The following KIRREL3 variants were observed in gnomAD, a reference collection of about 807,000 sequenced individuals.
KIRREL3 encodes kirre like nephrin family adhesion molecule 3.
A neutral mutation model predicts 89.7 loss-of-function variants in KIRREL3; 36 were observed. That is an observed-to-expected ratio of 0.40 (90% CI 0.31 to 0.53). The LOEUF is 0.53. KIRREL3 is among the 20% of genes least tolerant of loss of function. The pLI is 0.49. For synonymous variants in KIRREL3, 445 were observed against 441.4 expected (o/e 1.01, Z -0.10); for missense variants, 864 against 1,056.6 (o/e 0.82, Z 2.53).
chr11:126,991,177 G>A lies in KIRREL3; in HGVS notation c.55+9278C>T, dbSNP rs1253601739. ...GGCGTTGTCTCTGGTGACCCAAAGGGCATTCAAAGCCTTCCAGAAAGGAAC... is the reference window on the plus strand; with the variant it reads ...GGCGTTGTCTCTGGTGACCCAAAGGACATTCAAAGCCTTCCAGAAAGGAAC... On this transcript the variant is annotated intron_variant, in intron 1 of 16. Coordinates refer to ENST00000525144, the MANE Select transcript of KIRREL3 (RefSeq NM_032531.4). The surrounding 1 kb of genome is among the most constrained non-coding windows in gnomAD (Gnocchi z 5.8). Among the ~76,000 whole-genome samples the A allele has an allele frequency of 6.6e-6, 1 of 152,150 alleles. No individual in the cohort carries two copies. The highest frequency in any genetic ancestry group is 1.5e-5 in the Non-Finnish European group (1 of 68,030).
rs1241916419 is a variant in KIRREL3, at chr11:126,740,363, G to T, written c.56-177451C>A. ...TTAAAGTGCTGCATTGCTAAACTCA[G>T]TGGAGATGGTATTCATTCTGTGTTT... is the stretch of plus-strand genomic sequence containing the variant. On this transcript the variant is annotated intron_variant, in intron 1 of 16. Coordinates refer to ENST00000525144, the MANE Select transcript of KIRREL3 (RefSeq NM_032531.4). This position sits in a 1 kb window ranked among gnomAD's most constrained non-coding sequence, Gnocchi z 6.0. 6.6e-6 allele frequency among the ~76,000 whole-genome samples: 1 copy of T among 151,776 alleles called. No homozygotes were observed. The highest frequency in any genetic ancestry group is 6.6e-5 in the Admixed American group (1 of 15,230).
In KIRREL3 at chr11:126,569,246, T is replaced by C. The variant is rs1223232209; in HGVS notation, c.56-6334A>G. ...ATGGTACATTTCTGGACTTACTGTG[T>C]TCGAGGTGACAAGGTTCTAAAGTGA... On this transcript the variant is annotated intron_variant, in intron 1 of 16. Coordinates refer to ENST00000525144, the MANE Select transcript of KIRREL3 (RefSeq NM_032531.4). The surrounding 1 kb of genome is among the most constrained non-coding windows in gnomAD (Gnocchi z 6.5). Among the ~76,000 whole-genome samples the C allele has an allele frequency of 2.0e-5, 3 of 152,182 alleles. No homozygotes were observed. Among genetic ancestry groups the C allele is most frequent in the Non-Finnish European group, 4.4e-5 (3 of 68,026 alleles).
Position 126,521,280 on chromosome 11 carries a change from G to T in KIRREL3, c.433+35C>A. On this transcript the variant is annotated intron_variant, in intron 4 of 16. Coordinates refer to ENST00000525144, the MANE Select transcript of KIRREL3 (RefSeq NM_032531.4). The surrounding 1 kb of genome is among the most constrained non-coding windows in gnomAD (Gnocchi z 4.1). ...TGGAGCTGAGCCCTTGGTGCTTCAC[G>T]CAGTGTCCCAGCCCCGTGTGCAGAT... 13 of 1,488,512 alleles carry T rather than the reference G, an allele frequency of 8.7e-6. No homozygotes were observed. The highest frequency in any genetic ancestry group is 1.2e-5 in the Non-Finnish European group (13 of 1,110,832). The allele number at this position is 1,488,512 out of a possible 1,614,324, so 92.2% of individuals were successfully genotyped here. A position where few individuals can be genotyped will look rare whatever the true frequency, so the allele number is the denominator to read the frequency against.
rs1428500561 is a variant in KIRREL3 at position 126,876,589 on chromosome 11, G to C, written c.55+123866C>G. On this transcript the variant is annotated intron_variant, in intron 1 of 16. Transcript: ENST00000525144. The surrounding 1 kb of genome is among the most constrained non-coding windows in gnomAD (Gnocchi z 4.1). ...GTCTTGCTCTGTCACCCAGGCTGGA[G>C]TGCAGCGGTGCGACCTTGGCCCACT... 6.7e-6 allele frequency among the ~76,000 whole-genome samples: 1 copy of C among 149,038 alleles called. No individual in the cohort carries two copies. The highest frequency in any genetic ancestry group is 1.5e-5 in the Non-Finnish European group (1 of 67,712).
At position 126,748,766 on chromosome 11, in the gene KIRREL3, C is replaced by G. The variant is rs1030373275; in HGVS notation, c.56-185854G>C. Among the ~76,000 whole-genome samples the G allele has an allele frequency of 1.3e-5, 2 of 152,160 alleles. No homozygotes were observed. Among genetic ancestry groups the G allele is most frequent in the African/African-American group, 4.8e-5 (2 of 41,440 alleles). On this transcript the variant is annotated intron_variant, in intron 1 of 16. Transcript: ENST00000525144. This position sits in a 1 kb window ranked among gnomAD's most constrained non-coding sequence, Gnocchi z 4.6. The stretch of plus-strand genomic sequence containing the variant: ...ATCGCTGTGATAAAAGCCTCTCTGC[C>G]CACCGAAACTGTGCATGGGATCCTT...
intron 1 of KIRREL3, among the ~76,000 whole-genome samples, chr11:126,820,448 T>C (rs1943172169): frequency 6.6e-6 from 1 of 152,102 alleles, no homozygotes; most frequent in Non-Finnish European, 1.5e-5. Context: ...AATAACTATA[T>C]AAGGTGTGGA....
intron 1 of KIRREL3, among the ~76,000 whole-genome samples, chr11:126,826,778 G>T (rs536338541): frequency 6.6e-6 from 1 of 152,276 alleles, no homozygotes; most frequent in African/African-American, 2.4e-5. Flanking sequence ...TGTGAGACAG[G>T]ATTCAAATGT....
intron 1 of KIRREL3, among the ~76,000 whole-genome samples, chr11:126,593,524 G>A (rs932659176): frequency 6.6e-6 from 1 of 152,166 alleles, no homozygotes; most frequent in Admixed American, 6.5e-5. Flanking sequence ...GTACAGGTGG[G>A]CAATGAACAC....
rs151209982 is a variant in KIRREL3 at position 126,971,135 on chromosome 11, G to A, written c.55+29320C>T. ...TTAGGTGGTTTTTGACTATTTACGA[G>A]TACAAAGTATTATCTACATTTCTGA... On this transcript the variant is annotated intron_variant, in intron 1 of 16. Coordinates refer to ENST00000525144, the MANE Select transcript of KIRREL3 (RefSeq NM_032531.4). Among the ~76,000 whole-genome samples, 1,048 of 152,172 alleles carry A rather than the reference G, an allele frequency of 6.9e-3. 13 individuals carry two copies. The highest frequency in any genetic ancestry group is 0.024 in the African/African-American group (976 of 41,520).
chr11:126,466,394 G>A (rs1484753214), intron 5 of KIRREL3, among the ~76,000 whole-genome samples: 2 of 152,228 alleles, frequency 1.3e-5, no homozygotes, highest in South Asian at 4.1e-4. Context: ...CCCGTGCAGC[G>A]GGTATCCCAG....
At position 126,768,259 on chromosome 11, in the gene KIRREL3, C is replaced by T. The variant is rs920988627; in HGVS notation, c.56-205347G>A. 8.7e-5 allele frequency among the ~76,000 whole-genome samples: 13 copies of T among 150,168 alleles called. No homozygotes were observed. Among genetic ancestry groups the T allele is most frequent in the African/African-American group, 3.3e-4 (13 of 39,858 alleles). ...CCATCTGTCCATCCATACATGCATC[C>T]ACCCATCCATCCATCCATTCATCCA... On this transcript the variant is annotated intron_variant, in intron 1 of 16. Coordinates refer to ENST00000525144, the MANE Select transcript of KIRREL3 (RefSeq NM_032531.4). The surrounding 1 kb of genome is among the most constrained non-coding windows in gnomAD (Gnocchi z 4.5).
intron 2 of KIRREL3, among the ~76,000 whole-genome samples, chr11:126,556,143 G>A (rs1368973664): frequency 2.0e-5 from 3 of 152,178 alleles, no homozygotes; most frequent in Admixed American, 6.5e-5. Context: ...TGTGGAAAAC[G>A]ACCTGGGCAT....
intron 2 of KIRREL3, among the ~76,000 whole-genome samples, chr11:126,529,051 G>A (rs1958856741): frequency 6.6e-6 from 1 of 152,140 alleles, no homozygotes. Context: ...TATAATGAGA[G>A]CCCCTTAAAT....
chr11:126,874,334 C>T (rs1945203015), intron 1 of KIRREL3, among the ~76,000 whole-genome samples: 1 of 152,174 alleles, frequency 6.6e-6, no homozygotes, highest in African/African-American at 2.4e-5. Context: ...AGGGTAGGTG[C>T]TTGCCAAAGC....
intron 9 of KIRREL3, among the ~76,000 whole-genome samples, chr11:126,445,441 C>G (rs995627085): frequency 2.0e-5 from 3 of 152,200 alleles, no homozygotes; most frequent in African/African-American, 7.2e-5. Flanking sequence ...CCTACAGGAA[C>G]CTCCCTGTAC....
rs1183247028 is a variant in KIRREL3, at chr11:126,562,618, A to G, written c.133+217T>C. On this transcript the variant is annotated intron_variant, in intron 2 of 16. Coordinates refer to ENST00000525144, the MANE Select transcript of KIRREL3 (RefSeq NM_032531.4). The surrounding 1 kb of genome is among the most constrained non-coding windows in gnomAD (Gnocchi z 4.7). ...CAAAGGGAGAAGGGAAGATTGCATA[A>G]AGAAAATGCCCCTGAATCAGCATCC... Among the ~76,000 whole-genome samples the G allele has an allele frequency of 6.6e-6, 1 of 152,138 alleles. No homozygotes were observed. Among genetic ancestry groups the G allele is most frequent in the East Asian group, 1.9e-4 (1 of 5,196 alleles).
In KIRREL3 at chr11:126,447,115, C is replaced by T. The variant is rs565068814; in HGVS notation, c.998-229G>A. ...GACCACTCTCCCTGAGGCTTCGCCT[C>T]TCTTGGGCCCATGGAGGTGGTCGGC... On this transcript the variant is annotated intron_variant, in intron 8 of 16. Coordinates refer to ENST00000525144, the MANE Select transcript of KIRREL3 (RefSeq NM_032531.4). Among the ~76,000 whole-genome samples the T allele has an allele frequency of 3.9e-5, 6 of 152,254 alleles. 1 individual carries two copies. Among genetic ancestry groups the T allele is most frequent in the African/African-American group, 1.4e-4 (6 of 41,552 alleles).
rs1942955318 is a variant in KIRREL3, at chr11:126,607,939, G to A, written c.56-45027C>T. On this transcript the variant is annotated intron_variant, in intron 1 of 16. Transcript: ENST00000525144. The surrounding 1 kb of genome is among the most constrained non-coding windows in gnomAD (Gnocchi z 6.6). ...AAAAGGGATCCACCCAGGCACTAGG[G>A]CAACTGCTCAGCCCCATCGCAGCAA... 6.6e-6 allele frequency among the ~76,000 whole-genome samples: 1 copy of A among 152,176 alleles called. No individual in the cohort carries two copies. The highest frequency in any genetic ancestry group is 1.5e-5 in the Non-Finnish European group (1 of 68,024).
intron 1 of KIRREL3, among the ~76,000 whole-genome samples, chr11:126,695,406 C>CAAAA (rs36034228): frequency 1.7e-4 from 11 of 64,328 alleles, no homozygotes; most frequent in Non-Finnish European, 2.0e-4. Context: ...TTAGCTTTAC[C>CAAAA]AAAAAAAAAA....
Sources: allele counts gnomAD v4.1 joint callset (sites outside exome capture counted in the v4.1 genomes callset), GRCh38; gene constraint gnomAD v4.1.1; non-coding constraint Gnocchi (gnomAD v3.1); transcripts MANE v1.5; gene names NCBI Gene and HGNC (gene_info 2026-07-23, HGNC 2026-07-21).